GREB1: variants seen among roughly 807,000 people sequenced by gnomAD.
GREB1 encodes protein GREB1.
GREB1 carries 106 observed loss-of-function variants against 200.7 expected under a neutral mutation model. That is an observed-to-expected ratio of 0.53 (90% CI 0.45 to 0.62). The LOEUF (loss-of-function observed/expected upper bound fraction) is 0.62. Among genes scored for constraint, GREB1 ranks in the 20% least tolerant of loss-of-function variants. The probability of loss-of-function intolerance (pLI) is 0.00; values close to 1 mark genes in which losing one functional copy is unlikely to be tolerated. For synonymous variants in GREB1, 1,132 were observed against 1,092.4 expected, an observed-to-expected ratio of 1.04 and a Z score of -0.72; for missense variants, 2,243 against 2,556.8, an observed-to-expected ratio of 0.88 and a Z score of 2.65.
intron 1 of GREB1, among the ~76,000 whole-genome samples, chr2:11,552,566 A>C (rs1223277358): frequency 6.6e-6 from 1 of 152,156 alleles, no homozygotes; most frequent in Non-Finnish European, 1.5e-5. Context: ...AGAGCTCCAG[A>C]TGTACCTCCG....
intron 1 of GREB1, among the ~76,000 whole-genome samples, chr2:11,507,334 G>T (rs532960464): frequency 6.6e-6 from 1 of 151,742 alleles, no homozygotes; most frequent in African/African-American, 2.4e-5. Context: ...GCTTGAACCC[G>T]GGAGGCAGAG....
chr2:11,526,738 A>T (rs1303494556), intron 1 of GREB1, among the ~76,000 whole-genome samples: 1 of 151,848 alleles, frequency 6.6e-6, no homozygotes, highest in East Asian at 1.9e-4. Context: ...GTATTTTTTT[A>T]GTAGAAATGG....
At chr2:11,553,511 C>G (rs890172464) in intron 1 of GREB1, among the ~76,000 whole-genome samples, 1 of 152,064 alleles carries the variant, frequency 6.6e-6, no homozygotes, top group Non-Finnish European at 1.5e-5. Flanking sequence ...AAAAACCCCA[C>G]TTTTCTATGC....
chr2:11,532,788 C>A (rs1416091617), upstream of GREB1, among the ~76,000 whole-genome samples: 1 of 152,142 alleles, frequency 6.6e-6, no homozygotes, highest in Non-Finnish European at 1.5e-5. Flanking sequence ...CAGGTTTAAG[C>A]CCTGTTAGGG....
At chr2:11,578,253 GAGA>G in intron 5 of GREB1, 41 bp from the exon 6 acceptor site, 1 of 1,588,672 alleles carries the variant, frequency 6.3e-7, no homozygotes, top group Non-Finnish European at 8.6e-7. Context: ...GTAGTTGTTG[GAGA>G]AGAGCGAGTT....
chr2:11,618,319 G>A lies in GREB1; in HGVS notation c.3444G>A (p.Gln1148=). Residue 1148 remains glutamine (Q), a synonymous_variant, in exon 22 of 33, where the codon CAG becomes CAA. Transcript: ENST00000381486. ...CGCTCGGTGGCGAGTCCTCGGCTCA[G>A]CCCACAGCACTCCCCCAGGGAGAGC... ...GSALGGESSA[Q]PTALPQGEHA... The A allele has an allele frequency of 6.3e-7, 1 of 1,593,044 alleles. No individual in the cohort carries two copies. The highest frequency in any genetic ancestry group is 2.2e-5 in the East Asian group (1 of 44,474).
Position 11,635,309 on chromosome 2 carries a change from C to G in GREB1, c.5250C>G (p.His1750Gln). 6.2e-7 allele frequency: 1 copy of G among 1,614,094 alleles called. No homozygotes were observed. The highest frequency in any genetic ancestry group is 8.5e-7 in the Non-Finnish European group (1 of 1,179,966). The change falls in exon 30 of 33, where the codon CAC (histidine) becomes CAG (glutamine). Residue 1750 changes from histidine to glutamine, a missense_variant. This residue lies in a region of GREB1 where 478 missense variants were observed against 616.3 expected (regional missense o/e 0.78). Transcript: ENST00000381486. Reference sequence around the variant, plus strand: ...ATGTAGACTTCAACCTGCGGGTGCACAGCGCCGGCCTCCTGCTCTGCCGGT... The same window carrying G: ...ATGTAGACTTCAACCTGCGGGTGCAGAGCGCCGGCCTCCTGCTCTGCCGGT... ...CDDVDFNLRV[H>Q]SAGLLLCRFN...
chr2:11,534,994 G>A (rs376544068), intron 1 of GREB1, among the ~76,000 whole-genome samples: 7 of 152,166 alleles, frequency 4.6e-5, no homozygotes, highest in South Asian at 2.1e-4. Flanking sequence ...CAGACTGTGC[G>A]TTAGCGGCTC....
At position 11,602,493 on chromosome 2, in the gene GREB1, C is replaced by G; in HGVS notation, c.2617C>G (p.Leu873Val). 6.2e-7 allele frequency: 1 copy of G among 1,613,530 alleles called. No individual in the cohort carries two copies. The highest frequency in any genetic ancestry group is 8.5e-7 in the Non-Finnish European group (1 of 1,179,388). ...CCTTTCAGGACACAGCCTCCCCTTG[C>G]TCAGATACGATAGCTCCTTTGAGGC... ...STLSGHSLPL[L>V]RYDSSFEAMV... The change falls in exon 17 of 33, where the codon CTC becomes GTC. Residue 873 changes from leucine to valine, a missense_variant. Physicochemically the swap from Leu to Val is conservative, Grantham distance 32. This residue lies in a region of GREB1 where 1,178 missense variants were observed against 1,387.4 expected (regional missense o/e 0.85). Coordinates refer to ENST00000381486, the MANE Select transcript of GREB1 (RefSeq NM_014668.4).
intron 9 of GREB1, chr2:11,587,616 G>C: frequency 6.9e-7 from 1 of 1,440,274 alleles, no homozygotes; most frequent in Non-Finnish European, 9.1e-7. Flanking sequence ...GAGCCCAGCA[G>C]GACATCTGCA....
intron 7 of GREB1, among the ~76,000 whole-genome samples, chr2:11,584,206 C>G (rs998983751): frequency 6.6e-6 from 1 of 152,154 alleles, no homozygotes; most frequent in African/African-American, 2.4e-5. Flanking sequence ...AGACATGAAT[C>G]TCTGCATGTA....
Position 11,563,389 on chromosome 2 carries a change from G to C in GREB1, c.277+807G>C, listed in dbSNP as rs185184871. 1.1e-4 allele frequency among the ~76,000 whole-genome samples: 16 copies of C among 152,380 alleles called. No individual in the cohort carries two copies. In the East Asian group the frequency reaches 3.1e-3, roughly 29 times the overall value. On this transcript the variant is annotated intron_variant, in intron 3 of 32. Transcript: ENST00000381486. Reference sequence around the variant, plus strand: ...TTCACTGTTGAGGAACAGAGGCCTGGAGATGCTGGATGGGTGGCAGCTTAG... The same window carrying C: ...TTCACTGTTGAGGAACAGAGGCCTGCAGATGCTGGATGGGTGGCAGCTTAG...
At chr2:11,507,614 A>G (rs1166711339) in intron 1 of GREB1, among the ~76,000 whole-genome samples, 3 of 152,138 alleles carry the variant, frequency 2.0e-5, no homozygotes, top group African/African-American at 7.2e-5. Context: ...GTTCTATCAA[A>G]TGGGTATTAT....
chr2:11,548,242 A>G lies in GREB1; in HGVS notation c.-161-8212A>G, dbSNP rs1160190215. On this transcript the variant is annotated intron_variant, in intron 1 of 32. Transcript: ENST00000381486. The surrounding 1 kb of genome is among the most constrained non-coding windows in gnomAD (Gnocchi z 5.1). ...GCCAGACATGTGCACACATGTGCACATACCCAAACATATGTGCACACACAT... is the reference window on the plus strand; with the variant it reads ...GCCAGACATGTGCACACATGTGCACGTACCCAAACATATGTGCACACACAT... Among the ~76,000 whole-genome samples, 1 of 151,874 alleles carries G rather than the reference A, an allele frequency of 6.6e-6. No homozygotes were observed. The highest frequency in any genetic ancestry group is 1.5e-5 in the Non-Finnish European group (1 of 67,946).
intron 4 of GREB1, among the ~76,000 whole-genome samples, chr2:11,571,003 T>A (rs1678214211): frequency 6.6e-6 from 1 of 152,144 alleles, no homozygotes; most frequent in East Asian, 1.9e-4. Flanking sequence ...ACACTTGAGC[T>A]GGGGTTTGGC....
intron 1 of GREB1, among the ~76,000 whole-genome samples, chr2:11,490,522 T>C (rs1052214466): frequency 9.2e-5 from 14 of 152,228 alleles, no homozygotes; most frequent in Admixed American, 7.2e-4. Flanking sequence ...GGAATCTTCA[T>C]AAACAAATTT....
At chr2:11,543,337 A>G (rs1245504557) in intron 1 of GREB1, among the ~76,000 whole-genome samples, 1 of 152,244 alleles carries the variant, frequency 6.6e-6, no homozygotes, top group African/African-American at 2.4e-5. Context: ...GTTAACATCT[A>G]GAAATTAGAA....
At chr2:11,577,660 C>T (rs997848733) in intron 5 of GREB1, among the ~76,000 whole-genome samples, 9 of 152,222 alleles carry the variant, frequency 5.9e-5, no homozygotes, top group African/African-American at 1.9e-4. Flanking sequence ...ATCTTGTCTT[C>T]CGGACGCTCC....
intron 15 of GREB1, among the ~76,000 whole-genome samples, chr2:11,599,202 A>T (rs1681533850): frequency 6.6e-6 from 1 of 151,940 alleles, no homozygotes; most frequent in Non-Finnish European, 1.5e-5. Flanking sequence ...TTCATAGTCC[A>T]CTCAGCAACA....
Sources: gnomAD v4.1 joint callset for allele counts (sites outside exome capture counted in the v4.1 genomes callset) on GRCh38, gnomAD v4.1.1 for gene constraint, gnomAD v4.1.1 regional missense constraint, Gnocchi (gnomAD v3.1) non-coding constraint, MANE v1.5 for transcripts, NCBI Gene and HGNC (gene_info 2026-07-23, HGNC 2026-07-21) for gene names.